NPTN: variants seen among roughly 807,000 people sequenced by gnomAD.
NPTN encodes neuroplastin, also known as SDR-1.
Under a neutral mutation model 42.7 loss-of-function variants are expected in NPTN, and 5 were observed. The observed-to-expected ratio is 0.12, with a 90% CI of 0.06 to 0.25. NPTN has a LOEUF of 0.25. NPTN is among the 10% of genes least tolerant of loss of function. The probability of loss-of-function intolerance (pLI) is 1.00; values close to 1 mark genes in which losing one functional copy is unlikely to be tolerated. For missense variants in NPTN, 307 were observed against 525.4 expected, an observed-to-expected ratio of 0.58 and a Z score of 4.06; for synonymous variants, 180 against 201.9, an observed-to-expected ratio of 0.89 and a Z score of 0.92.
In NPTN at chr15:73,604,603, G is replaced by T. The variant is rs531095050; in HGVS notation, c.92-7234C>A. ...CAGTTAAGGGTCTATTAAGATGAGA[G>T]CTCACCTTATAGGGAAATGAGCCAT... is the stretch of plus-strand genomic sequence containing the variant. On this transcript the variant is annotated intron_variant, in intron 1 of 8. Coordinates refer to ENST00000345330, the MANE Select transcript of NPTN (RefSeq NM_012428.4). Among the ~76,000 whole-genome samples, 55 of 152,268 alleles carry T rather than the reference G, an allele frequency of 3.6e-4. No individual in the cohort carries two copies. In the Middle Eastern group the frequency reaches 0.017, roughly 47 times the overall value.
intron 1 of NPTN, among the ~76,000 whole-genome samples, chr15:73,600,396 A>G (rs1323993032): frequency 1.3e-5 from 2 of 152,252 alleles, no homozygotes; most frequent in African/African-American, 4.8e-5. Flanking sequence ...CTAAGTATGC[A>G]TTATATGTTT....
chr15:73,582,210 G>A (rs1487012919), intron 4 of NPTN, among the ~76,000 whole-genome samples: 1 of 152,206 alleles, frequency 6.6e-6, no homozygotes, highest in Non-Finnish European at 1.5e-5. Context: ...CCTTAAAGGT[G>A]TTGTCAATGA....
chr15:73,590,549 C>G (rs1896537153), intron 3 of NPTN, among the ~76,000 whole-genome samples: 1 of 151,110 alleles, frequency 6.6e-6, no homozygotes, highest in Admixed American at 6.6e-5. Flanking sequence ...ACTGCTTGCA[C>G]TCAGGAGTTC....
intron 3 of NPTN, among the ~76,000 whole-genome samples, chr15:73,589,097 TGAG>T (rs1039090463): frequency 2.0e-5 from 3 of 152,102 alleles, no homozygotes; most frequent in Admixed American, 6.6e-5. Flanking sequence ...TTTGGGAGGC[TGAG>T]GTGTGTGGAC....
At chr15:73,585,460 T>C (rs1896271330) in intron 4 of NPTN, among the ~76,000 whole-genome samples, 2 of 152,212 alleles carry the variant, frequency 1.3e-5, no homozygotes, top group Admixed American at 1.3e-4. Flanking sequence ...CCAACCACAA[T>C]TGGAGGTTAG....
At chr15:73,580,584 C>T (rs1255822463) in intron 4 of NPTN, among the ~76,000 whole-genome samples, 2 of 113,904 alleles carry the variant, frequency 1.8e-5, no homozygotes, top group East Asian at 2.3e-4. Context: ...TATGTATATA[C>T]ATGTTATATA....
intron 1 of NPTN, among the ~76,000 whole-genome samples, chr15:73,628,328 C>T (rs1898537339): frequency 6.6e-6 from 1 of 152,194 alleles, no homozygotes; most frequent in Admixed American, 6.5e-5. Context: ...CTACTGCAGC[C>T]TTTCTTCTGT....
At chr15:73,608,092 CTG>C (rs1352705823) in intron 1 of NPTN, among the ~76,000 whole-genome samples, 2 of 152,224 alleles carry the variant, frequency 1.3e-5, no homozygotes, top group Non-Finnish European at 1.5e-5. Flanking sequence ...GCTAAAAAAA[CTG>C]TGTCACTATG....
At chr15:73,598,246 G>A (rs1896917209) in intron 1 of NPTN, among the ~76,000 whole-genome samples, 2 of 152,226 alleles carry the variant, frequency 1.3e-5, no homozygotes, top group South Asian at 2.1e-4. Flanking sequence ...AAAAGCTATG[G>A]TATTTGACAG....
At chr15:73,575,253 GA>G (rs1895624626) in intron 4 of NPTN, among the ~76,000 whole-genome samples, 1 of 152,204 alleles carries the variant, frequency 6.6e-6, no homozygotes, top group Non-Finnish European at 1.5e-5. Context: ...AAAGTGTTGG[GA>G]TTACAGGCGT....
intron 1 of NPTN, among the ~76,000 whole-genome samples, chr15:73,631,443 AT>A (rs771864979): frequency 5.3e-5 from 8 of 152,228 alleles, no homozygotes; most frequent in Non-Finnish European, 8.8e-5. Context: ...CTGCAGTGAT[AT>A]CCAAGGCCAT....
intron 1 of NPTN, among the ~76,000 whole-genome samples, chr15:73,619,681 A>G (rs1025123971): frequency 1.2e-4 from 19 of 152,256 alleles, no homozygotes; most frequent in African/African-American, 4.3e-4. Context: ...TAAATGGTAA[A>G]TAAGTTGTGT....
intron 1 of NPTN, among the ~76,000 whole-genome samples, chr15:73,611,197 T>G (rs1897559587): frequency 6.6e-6 from 1 of 152,220 alleles, no homozygotes; most frequent in South Asian, 2.1e-4. Context: ...TTATTGTTCA[T>G]TCAGGAAGAC....
chr15:73,607,992 C>T (rs1897369394), intron 1 of NPTN, among the ~76,000 whole-genome samples: 1 of 152,126 alleles, frequency 6.6e-6, no homozygotes, highest in Admixed American at 6.5e-5. Flanking sequence ...GCATAAGAGC[C>T]ACACAGATGT....
At chr15:73,610,588 G>A (rs770486915) in intron 1 of NPTN, among the ~76,000 whole-genome samples, 1 of 152,086 alleles carries the variant, frequency 6.6e-6, no homozygotes, top group Non-Finnish European at 1.5e-5. Flanking sequence ...TCAGCCTAAA[G>A]CCCAAAGCTA....
intron 1 of NPTN, among the ~76,000 whole-genome samples, chr15:73,620,383 A>G (rs1898076441): frequency 6.6e-6 from 1 of 152,218 alleles, no homozygotes; most frequent in Admixed American, 6.5e-5. Flanking sequence ...AAGTACAGGA[A>G]CAAAATGAAG....
At chr15:73,613,968 G>A (rs1897729944) in intron 1 of NPTN, among the ~76,000 whole-genome samples, 1 of 152,072 alleles carries the variant, frequency 6.6e-6, no homozygotes, top group Non-Finnish European at 1.5e-5. Context: ...TTACAGGTGT[G>A]AGCCACCGTG....
chr15:73,565,557 G>A (rs1299179658), intron 6 of NPTN, among the ~76,000 whole-genome samples: 1 of 152,034 alleles, frequency 6.6e-6, no homozygotes, highest in Non-Finnish European at 1.5e-5. Context: ...ATGTTTTAAG[G>A]GTTTGATGCA....
intron 4 of NPTN, among the ~76,000 whole-genome samples, chr15:73,584,152 C>A (rs1246494670): frequency 6.6e-6 from 1 of 152,150 alleles, no homozygotes; most frequent in East Asian, 1.9e-4. Context: ...ACAGGCTCAA[C>A]CCCCTTCTGG....
Sources: allele counts gnomAD v4.1 joint callset (sites outside exome capture counted in the v4.1 genomes callset), GRCh38; gene constraint gnomAD v4.1.1; transcripts MANE v1.5; gene names NCBI Gene and HGNC (gene_info 2026-07-23, HGNC 2026-07-21).